The following WDPCP variants were observed in gnomAD, a reference collection of about 807,000 sequenced individuals.
The protein encoded by WDPCP is WD repeat-containing and planar cell polarity effector protein fritz homolog.
In WDPCP, 71 loss-of-function variants were observed where a neutral mutation model predicts 93.1. The observed-to-expected ratio is 0.76, with a 90% CI of 0.63 to 0.93. The LOEUF (loss-of-function observed/expected upper bound fraction) is 0.93, where lower values mean the gene tolerates loss of function less well. Ranked by LOEUF, WDPCP falls within the 40% of genes least tolerant of loss-of-function variation. The probability of loss-of-function intolerance (pLI) is 0.00; values close to 1 mark genes in which losing one functional copy is unlikely to be tolerated. For missense variants in WDPCP, 844 were observed against 887.4 expected (o/e 0.95, Z 0.62); for synonymous variants, 315 against 315.0 (o/e 1.00, Z 0.00).
chr2:63,171,955 A>G (rs1478401128), intron 15 of WDPCP, among the ~76,000 whole-genome samples: 1 of 152,242 alleles, frequency 6.6e-6, no homozygotes, highest in African/African-American at 2.4e-5. Flanking sequence ...GACTTCATTT[A>G]TATGAAATGT....
chr2:63,395,344 T>C (rs142548623), intron 10 of WDPCP, among the ~76,000 whole-genome samples: 78 of 152,244 alleles, frequency 5.1e-4, no homozygotes, highest in African/African-American at 1.8e-3. Flanking sequence ...ACAGTGAACA[T>C]TGTACTCAAT....
chr2:63,196,516 T>TTA (rs1484197389), intron 14 of WDPCP, among the ~76,000 whole-genome samples: 1 of 152,142 alleles, frequency 6.6e-6, no homozygotes, highest in Non-Finnish European at 1.5e-5. Context: ...TGTGAAGTCA[T>TTA]TATATGACAA....
intron 17 of WDPCP, among the ~76,000 whole-genome samples, chr2:63,142,909 TATACACATACATATAC>T (rs1671197411): frequency 1.4e-5 from 2 of 140,556 alleles, no homozygotes; most frequent in East Asian, 2.4e-4. Context: ...CATACATATA[TATACACATACATATAC>T]ACACACACAC....
chr2:63,335,468 G>A (rs1688290130), intron 12 of WDPCP, among the ~76,000 whole-genome samples: 1 of 147,682 alleles, frequency 6.8e-6, no homozygotes, highest in Admixed American at 6.9e-5. Context: ...CTGTCACCCA[G>A]GCTGGAGTGC....
At chr2:63,721,006 T>G (rs981153017) in intron 2 of WDPCP, among the ~76,000 whole-genome samples, 7 of 152,248 alleles carry the variant, frequency 4.6e-5, no homozygotes, top group Non-Finnish European at 2.9e-5. Flanking sequence ...TAATATCTCA[T>G]CTGACATTTC....
At chr2:63,810,516 T>C (rs1449113581) in intron 2 of WDPCP, among the ~76,000 whole-genome samples, 3 of 152,158 alleles carry the variant, frequency 2.0e-5, no homozygotes, top group Non-Finnish European at 4.4e-5. Flanking sequence ...GGGAGACAGA[T>C]GACAGGCATT....
intron 3 of WDPCP, among the ~76,000 whole-genome samples, chr2:63,623,298 G>C (rs1709769789): frequency 6.6e-6 from 1 of 152,172 alleles, no homozygotes; most frequent in Non-Finnish European, 1.5e-5. Context: ...TAACCAGCTA[G>C]CATCATAATG....
At chr2:63,258,578 A>C (rs1681339377) in intron 14 of WDPCP, among the ~76,000 whole-genome samples, 1 of 152,196 alleles carries the variant, frequency 6.6e-6, no homozygotes, top group South Asian at 2.1e-4. Flanking sequence ...GTTTCAGAGG[A>C]GTTCCACAGA....
chr2:63,357,447 C>G (rs1690103637), intron 12 of WDPCP, among the ~76,000 whole-genome samples: 1 of 151,872 alleles, frequency 6.6e-6, no homozygotes, highest in African/African-American at 2.4e-5. Context: ...AAAAAGTGGG[C>G]AAAGGACATG....
upstream of WDPCP, chr2:63,593,633 G>T (rs1253253711): frequency 2.1e-6 from 1 of 471,558 alleles, no homozygotes. Context: ...ATGCAGGTAG[G>T]GGTAAAGGTG....
intron 12 of WDPCP, among the ~76,000 whole-genome samples, chr2:63,350,008 A>G (rs1349935597): frequency 6.6e-6 from 1 of 152,058 alleles, no homozygotes; most frequent in Non-Finnish European, 1.5e-5. Context: ...TTACTGCGGC[A>G]CTATTCACAA....
In WDPCP at chr2:63,135,205, AT is replaced by A. The variant is rs80078281; in HGVS notation, c.2191-13150del. On this transcript the variant is annotated intron_variant, in intron 17 of 17. Coordinates refer to ENST00000272321, the MANE Select transcript of WDPCP (RefSeq NM_015910.7). ...CATCCATCAGAGAATAGTCTACTAA[AT>A]TCAGGGCACGTGATGTTTTTAAGAT... 1.1e-4 allele frequency among the ~76,000 whole-genome samples: 16 copies of A among 152,364 alleles called. No homozygotes were observed. In the East Asian group the frequency reaches 3.1e-3, roughly 29 times the overall value.
intron 15 of WDPCP, among the ~76,000 whole-genome samples, chr2:63,158,862 C>T (rs540127718): frequency 1.3e-5 from 2 of 149,414 alleles, no homozygotes; most frequent in Non-Finnish European, 3.0e-5. Context: ...GGGGGCCAGG[C>T]ATGGTGGCTC....
At chr2:63,464,086 C>G (rs888010191) in intron 6 of WDPCP, among the ~76,000 whole-genome samples, 5 of 152,044 alleles carry the variant, frequency 3.3e-5, no homozygotes, top group Non-Finnish European at 5.9e-5. Context: ...AGGTAACCTA[C>G]AGAATGGGAG....
intron 14 of WDPCP, among the ~76,000 whole-genome samples, chr2:63,214,004 C>T (rs1329728628): frequency 6.6e-6 from 1 of 152,124 alleles, no homozygotes; most frequent in Non-Finnish European, 1.5e-5. Flanking sequence ...AAAAGAACTC[C>T]AGGACCAGAT....
intron 2 of WDPCP, among the ~76,000 whole-genome samples, chr2:63,759,992 A>G (rs192718301): frequency 3.5e-4 from 54 of 152,330 alleles, no homozygotes; most frequent in Admixed American, 2.3e-3. Flanking sequence ...GGGGGCAGTA[A>G]GAGGGAGGCT....
chr2:63,305,937 T>A (rs1202928829), intron 13 of WDPCP, among the ~76,000 whole-genome samples: 2 of 152,002 alleles, frequency 1.3e-5, no homozygotes, highest in East Asian at 3.9e-4. Flanking sequence ...CAAATGACCC[T>A]TCAAAAATCA....
chr2:63,194,922 T>G lies in WDPCP; in HGVS notation c.1916-20090A>C, dbSNP rs1675312436. 2.0e-5 allele frequency among the ~76,000 whole-genome samples: 3 copies of G among 152,294 alleles called. No homozygotes were observed. In the South Asian group the frequency reaches 6.2e-4, roughly 32 times the overall value. ...GAATCACAAAATCTGTTTATTGTAT[T>G]TCAGTAGTAATCAGATGGTTTTTTA... On this transcript the variant is annotated intron_variant, in intron 14 of 17. Coordinates refer to ENST00000272321, the MANE Select transcript of WDPCP (RefSeq NM_015910.7).
At chr2:63,179,116 G>A (rs1035182346) in intron 14 of WDPCP, among the ~76,000 whole-genome samples, 8 of 150,738 alleles carry the variant, frequency 5.3e-5, no homozygotes, top group African/African-American at 9.7e-5. Flanking sequence ...CTGGAGAATC[G>A]CTTGACCAGG....
Sources: gnomAD v4.1 joint callset for allele counts (sites outside exome capture counted in the v4.1 genomes callset) on GRCh38, gnomAD v4.1.1 for gene constraint, MANE v1.5 for transcripts, NCBI Gene and HGNC (gene_info 2026-07-23, HGNC 2026-07-21) for gene names.